The following NAV3 variants were observed in gnomAD, a reference collection of about 807,000 sequenced individuals.
The protein encoded by NAV3 is neuron navigator 3, also known as pore membrane and/or filament interacting like protein 1.
A neutral mutation model predicts 244.7 loss-of-function variants in NAV3; 87 were observed. The ratio of observed to expected loss-of-function variants is 0.36; its 90% CI spans 0.30 to 0.42. The LOEUF is 0.42. Among genes scored for constraint, NAV3 ranks in the 20% least tolerant of loss-of-function variants. The probability of loss-of-function intolerance (pLI) is 1.00; values close to 1 mark genes in which losing one functional copy is unlikely to be tolerated. For missense variants in NAV3, 2,663 were observed against 2,893.3 expected (o/e 0.92, Z 1.83); for synonymous variants, 1,126 against 1,042.2 (o/e 1.08, Z -1.55).
In NAV3 at chr12:78,128,742, G is replaced by T. The variant is rs1285205990; in HGVS notation, c.4317G>T (p.Glu1439Asp). ...CATCTCGGCAGGCCAACCAAGAAGA[G>T]GGCAAAGAGTGGTTGCGTTCTCATT... Reference protein sequence around the residue: ...TPSSRQANQEEGKEWLRSHST... With the variant: ...TPSSRQANQEDGKEWLRSHST... Residue 1439 changes from glutamate (E) to aspartate (D), a missense_variant, in exon 18 of 40, where the codon GAG becomes GAT. Transcript: ENST00000397909. 6.2e-7 allele frequency: 1 copy of T among 1,614,002 alleles called. No individual in the cohort carries two copies.
chr12:78,077,061 A>G (rs1953086988), intron 12 of NAV3, among the ~76,000 whole-genome samples: 1 of 152,156 alleles, frequency 6.6e-6, no homozygotes, highest in African/African-American at 2.4e-5. Context: ...TTTGTTGTAT[A>G]TGTAATTTAT....
At chr12:77,778,522 G>C (rs554811990) in intron 2 of NAV3, among the ~76,000 whole-genome samples, 2 of 150,424 alleles carry the variant, frequency 1.3e-5, no homozygotes, top group Admixed American at 1.3e-4. Context: ...TGAGGCAGGA[G>C]AATGGCGTGA....
intron 5 of NAV3, among the ~76,000 whole-genome samples, chr12:77,977,548 A>G (rs1421178692): frequency 6.6e-6 from 1 of 152,086 alleles, no homozygotes; most frequent in Non-Finnish European, 1.5e-5. Context: ...AATCTCTGTT[A>G]TCGGCACTTT....
chr12:77,867,799 G>C (rs913361004), intron 1 of NAV3, among the ~76,000 whole-genome samples: 27 of 152,130 alleles, frequency 1.8e-4, no homozygotes, highest in African/African-American at 5.8e-4. Context: ...GTGTTAGAGT[G>C]GACCAGAAAG....
intron 8 of NAV3, among the ~76,000 whole-genome samples, chr12:78,017,677 A>G (rs1876457363): frequency 6.6e-6 from 1 of 152,142 alleles, no homozygotes; most frequent in Admixed American, 6.6e-5. Context: ...TGCATTATTC[A>G]CTATATCTGT....
intron 2 of NAV3, among the ~76,000 whole-genome samples, chr12:77,737,565 A>G (rs1198351503): frequency 1.3e-5 from 2 of 152,078 alleles, no homozygotes; most frequent in Non-Finnish European, 2.9e-5. Flanking sequence ...GTGAGGAGGG[A>G]GTAAGGGTGA....
At chr12:77,751,793 A>G (rs1440901984) in intron 2 of NAV3, among the ~76,000 whole-genome samples, 1 of 152,234 alleles carries the variant, frequency 6.6e-6, no homozygotes, top group Non-Finnish European at 1.5e-5. Flanking sequence ...ATTACACAAT[A>G]CAATTTACAC....
At chr12:77,977,839 T>C (rs1021343022) in intron 5 of NAV3, among the ~76,000 whole-genome samples, 6 of 152,138 alleles carry the variant, frequency 3.9e-5, no homozygotes, top group Non-Finnish European at 7.4e-5. Context: ...TTTGAATTGA[T>C]GCATAAAATA....
intron 2 of NAV3, among the ~76,000 whole-genome samples, chr12:77,706,256 TC>T: frequency 6.6e-6 from 1 of 151,572 alleles, no homozygotes; most frequent in East Asian, 1.9e-4. Context: ...TTAATAGATC[TC>T]CCTTATGAAT....
intron 2 of NAV3, among the ~76,000 whole-genome samples, chr12:77,605,139 C>A (rs932753636): frequency 6.6e-6 from 1 of 152,026 alleles, no homozygotes. Context: ...TTAGCTACAG[C>A]AATTCTAAAT....
At chr12:77,928,318 G>A (rs1240696114) in intron 1 of NAV3, among the ~76,000 whole-genome samples, 2 of 151,138 alleles carry the variant, frequency 1.3e-5, no homozygotes, top group African/African-American at 4.9e-5. Flanking sequence ...AAAGATTAGA[G>A]AACAACACAT....
chr12:78,029,138 T>C (rs1055923192), intron 9 of NAV3, among the ~76,000 whole-genome samples: 18 of 148,594 alleles, frequency 1.2e-4, no homozygotes, highest in African/African-American at 4.2e-4. Context: ...GGATTCCATA[T>C]GTCAAATGAG....
chr12:77,895,329 G>GTA (rs1469555948), intron 1 of NAV3, among the ~76,000 whole-genome samples: 1 of 151,864 alleles, frequency 6.6e-6, no homozygotes, highest in Admixed American at 6.6e-5. Context: ...GTGTGTGTGT[G>GTA]TGTGTGTGTT....
chr12:77,913,478 G>A (rs1287614684), intron 1 of NAV3, among the ~76,000 whole-genome samples: 1 of 152,032 alleles, frequency 6.6e-6, no homozygotes, highest in African/African-American at 2.4e-5. Flanking sequence ...TGTCACCCAA[G>A]CTGGAGTGCA....
intron 1 of NAV3, among the ~76,000 whole-genome samples, chr12:77,848,776 T>C (rs1262695454): frequency 1.3e-5 from 2 of 152,192 alleles, no homozygotes; most frequent in South Asian, 2.1e-4. Context: ...ACATTTGCCA[T>C]AGGAACTGGA....
intron 6 of NAV3, 129 bp downstream of exon 6, chr12:77,995,000 A>G (rs1872116747): frequency 3.3e-6 from 2 of 608,330 alleles, no homozygotes; most frequent in Non-Finnish European, 5.6e-6. Context: ...AAATTTTTCC[A>G]GGAAGATTTT....
intron 2 of NAV3, among the ~76,000 whole-genome samples, chr12:77,740,830 G>A (rs1157300386): frequency 6.6e-6 from 1 of 151,986 alleles, no homozygotes; most frequent in African/African-American, 2.4e-5. Context: ...GTTCTACTTG[G>A]GTGATGAATT....
At chr12:78,036,538 G>A (rs1879915644) in intron 9 of NAV3, 1 of 210,836 alleles carries the variant, frequency 4.7e-6, no homozygotes, top group Non-Finnish European at 9.6e-6. Context: ...CTCCTGCTGA[G>A]ACATGTGATT....
chr12:77,846,996 C>G (rs142006016), intron 1 of NAV3, among the ~76,000 whole-genome samples: 1 of 152,122 alleles, frequency 6.6e-6, no homozygotes, highest in African/African-American at 2.4e-5. Flanking sequence ...CTAAATCTTA[C>G]GGGCCCTGAG....
Sources: allele counts gnomAD v4.1 joint callset (sites outside exome capture counted in the v4.1 genomes callset), GRCh38; gene constraint gnomAD v4.1.1; transcripts MANE v1.5; gene names NCBI Gene and HGNC (gene_info 2026-07-23, HGNC 2026-07-21).